TBC1D10B: variants seen among roughly 807,000 people sequenced by gnomAD.
The protein encoded by TBC1D10B is Rab27A-GAPbeta.
Under a neutral mutation model 78.4 loss-of-function variants are expected in TBC1D10B, and 25 were observed. The observed-to-expected ratio is 0.32, with a 90% CI of 0.23 to 0.45. The LOEUF is 0.45. TBC1D10B is among the 20% of genes least tolerant of loss of function. The pLI is 1.00. For missense variants in TBC1D10B, 996 were observed against 1,104.8 expected, an observed-to-expected ratio of 0.90 and a Z score of 1.40; for synonymous variants, 517 against 478.0, an observed-to-expected ratio of 1.08 and a Z score of -1.06.
At chr16:30,367,171 G>C (rs1234922175) in intron 1 of TBC1D10B, 1 of 152,354 alleles carries the variant, frequency 6.6e-6, no homozygotes, top group East Asian at 1.9e-4. Context: ...TCCAGCCTGG[G>C]CAACAAGAGC....
chr16:30,369,105 C>A lies in TBC1D10B; in HGVS notation c.956+123G>T. 9.6e-7 allele frequency: 1 copy of A among 1,039,070 alleles called. No homozygotes were observed. Among genetic ancestry groups the A allele is most frequent in the Non-Finnish European group, 1.4e-6 (1 of 729,306 alleles). The allele number at this position is 1,039,070 out of a possible 1,614,324, so 64.4% of individuals were successfully genotyped here. On this transcript the variant is annotated intron_variant, in intron 1 of 8. Coordinates refer to ENST00000409939, the MANE Select transcript of TBC1D10B (RefSeq NM_015527.4). This position sits in a 1 kb window ranked among gnomAD's most constrained non-coding sequence, Gnocchi z 4.3. ...AAGACACGGCAGCTCGCGCTGATCA[C>A]CCCGTGGATCCTCAGAGGAGGCTGG... is the stretch of plus-strand genomic sequence containing the variant.
chr16:30,359,933 A>G, intron 4 of TBC1D10B, 92 bp from the exon 5 acceptor site: 1 of 1,165,044 alleles, frequency 8.6e-7, no homozygotes, highest in Non-Finnish European at 1.2e-6. Context: ...GTTTATCACC[A>G]GGCTCCTCCA....
In TBC1D10B at chr16:30,357,658, C is replaced by T. The variant is rs2049562323; in HGVS notation, c.*286G>A. The T allele has an allele frequency of 1.2e-5, 6 of 514,094 alleles. No individual in the cohort carries two copies. The highest frequency in any genetic ancestry group is 9.5e-5 in the East Asian group (3 of 31,534). 31.8% of individuals were successfully genotyped at this position (514,094 alleles called of 1,614,324 possible). A position where few individuals can be genotyped will look rare whatever the true frequency, so the allele number is the denominator to read the frequency against. ...CCAGGAGTCACCCCTGGGATGACAA[C>T]GGGCCATTCAGGACAGCACCTAGGA... On this transcript the variant is annotated 3_prime_UTR_variant, in exon 9 of 9. Transcript: ENST00000409939.
At position 30,357,758 on chromosome 16, in the gene TBC1D10B, C is replaced by G; in HGVS notation, c.*186G>C. On this transcript the variant is annotated 3_prime_UTR_variant, in exon 9 of 9. Coordinates refer to ENST00000409939, the MANE Select transcript of TBC1D10B (RefSeq NM_015527.4). ...CTCATGGGAGATGAGAGGCTCCAGA[C>G]TCATTTGCAGCTGCCCATCTGTCCT... 1.3e-6 allele frequency: 1 copy of G among 797,238 alleles called. No homozygotes were observed. Among genetic ancestry groups the G allele is most frequent in the Admixed American group, 2.9e-5 (1 of 34,130 alleles). 49.4% of individuals were successfully genotyped at this position (797,238 alleles called of 1,614,324 possible).
chr16:30,370,269 A>C lies in TBC1D10B; in HGVS notation c.-86T>G. The C allele has an allele frequency of 1.3e-5, 9 of 697,906 alleles. No homozygotes were observed. Among genetic ancestry groups the C allele is most frequent in the Non-Finnish European group, 1.7e-5 (9 of 539,660 alleles). The allele number at this position is 697,906 out of a possible 1,614,324, so 43.2% of individuals were successfully genotyped here. ...GGCCTCCCGGCGAGGCCAGCCGAGA[A>C]AGGGGAGAGGGCGAAGGGCGCGGCT... On this transcript the variant is annotated 5_prime_UTR_variant, in exon 1 of 9. Coordinates refer to ENST00000409939, the MANE Select transcript of TBC1D10B (RefSeq NM_015527.4).
chr16:30,369,609 A>C lies in TBC1D10B; in HGVS notation c.575T>G (p.Val192Gly). Residue 192 changes from valine to glycine, a missense_variant, in exon 1 of 9, where the codon GTG becomes GGG. Val to Gly is a moderately radical substitution (Grantham distance 109). Around this residue, in one of 5 missense-constraint regions of TBC1D10B, gnomAD observed 448 missense variants for 442.1 expected, o/e 1.01. Transcript: ENST00000409939. The surrounding 1 kb of genome is among the most constrained non-coding windows in gnomAD (Gnocchi z 4.3). ...GVTARSASGQ[V>G]TGGHGAAAAT... ...TGCGGCAGCTCCATGCCCACCTGTC[A>C]CTTGTCCTGATGCACTCCGTGCAGT... 1.3e-6 allele frequency: 2 copies of C among 1,526,570 alleles called. No homozygotes were observed. The highest frequency in any genetic ancestry group is 1.8e-6 in the Non-Finnish European group (2 of 1,133,770). 94.6% of individuals were successfully genotyped at this position (1,526,570 alleles called of 1,614,324 possible). A position where few individuals can be genotyped will look rare whatever the true frequency, so the allele number is the denominator to read the frequency against.
rs772819144 is a variant in TBC1D10B, at chr16:30,369,421, C to G, written c.763G>C (p.Gly255Arg). Residue 255 changes from glycine to arginine, a missense_variant, in exon 1 of 9, where the codon GGC becomes CGC. Around this residue, in one of 5 missense-constraint regions of TBC1D10B, gnomAD observed 448 missense variants for 442.1 expected, o/e 1.01. Coordinates refer to ENST00000409939, the MANE Select transcript of TBC1D10B (RefSeq NM_015527.4). This position sits in a 1 kb window ranked among gnomAD's most constrained non-coding sequence, Gnocchi z 4.3. ...GCCTGCCCTCGAGGCCCAGAGATGC[C>G]AGGTCCCAGGCTGGACGTGGAGCCC... is the stretch of plus-strand genomic sequence containing the variant. ...DLGSTSSLGP[G>R]ISGPRGQAPD... 1 of 1,569,664 alleles carries G rather than the reference C, an allele frequency of 6.4e-7. No individual in the cohort carries two copies.
In TBC1D10B at chr16:30,357,983, GTCCCCA is replaced by G; in HGVS notation, c.2382_2387del (p.Gly795_Asp796del). 6.4e-7 allele frequency: 1 copy of G among 1,551,702 alleles called. No individual in the cohort carries two copies. The highest frequency in any genetic ancestry group is 8.7e-7 in the Non-Finnish European group (1 of 1,146,992). On this transcript the variant is annotated inframe_deletion, in exon 9 of 9. Coordinates refer to ENST00000409939, the MANE Select transcript of TBC1D10B (RefSeq NM_015527.4). Reference sequence around the variant, plus strand: ...CCTGCCGGGCCTCGGCTGAGGGCCTGTCCCCACCATCATGGGGGCCTGGGGGCCCAT... The same window carrying G: ...CCTGCCGGGCCTCGGCTGAGGGCCTGCCATCATGGGGGCCTGGGGGCCCAT...
chr16:30,358,583 G>A lies in TBC1D10B; in HGVS notation c.1798-10C>T. The A allele has an allele frequency of 6.3e-7, 1 of 1,594,158 alleles. No homozygotes were observed. The highest frequency in any genetic ancestry group is 1.1e-5 in the South Asian group (1 of 89,416). On this transcript the variant is annotated splice_polypyrimidine_tract_variant and intron_variant, in intron 8 of 8. Coordinates refer to ENST00000409939, the MANE Select transcript of TBC1D10B (RefSeq NM_015527.4). Reference sequence around the variant, plus strand: ...CCGGCAGATTGGTCACCTGCACAGAGAGGAAATGCGTACCAGAATGGAGCT... The same window carrying A: ...CCGGCAGATTGGTCACCTGCACAGAAAGGAAATGCGTACCAGAATGGAGCT...
rs776461236 is a variant in TBC1D10B, at chr16:30,359,152, C to G, written c.1642+20G>C. 28 of 1,597,934 alleles carry G rather than the reference C, an allele frequency of 1.8e-5. No homozygotes were observed. The Admixed American group carries it at 4.9e-4, about 28-fold the overall frequency. On this transcript the variant is annotated intron_variant, in intron 7 of 8. Transcript: ENST00000409939. Reference sequence around the variant, plus strand: ...CACAGAAACCCCAGCCCCTCATGGCCTGGAGGGCCACAGAAGTACCTTCAC... The same window carrying G: ...CACAGAAACCCCAGCCCCTCATGGCGTGGAGGGCCACAGAAGTACCTTCAC...
At position 30,369,193 on chromosome 16, in the gene TBC1D10B, CG is replaced by C; in HGVS notation, c.956+34del. ...CGCCCTCCCCCAACCTTTGCTTCCC[CG>C]AGGCGGTCCCGCTGGGTGCCCACTG... On this transcript the variant is annotated intron_variant, in intron 1 of 8. Transcript: ENST00000409939. The surrounding 1 kb of genome is among the most constrained non-coding windows in gnomAD (Gnocchi z 4.3). 1 of 1,525,484 alleles carries C rather than the reference CG, an allele frequency of 6.6e-7. No individual in the cohort carries two copies. Among genetic ancestry groups the C allele is most frequent in the Non-Finnish European group, 8.8e-7 (1 of 1,136,350 alleles). 94.5% of individuals were successfully genotyped at this position (1,525,484 alleles called of 1,614,324 possible).
rs1298490977 is a variant in TBC1D10B, at chr16:30,358,260, G to A, written c.2111C>T (p.Ser704Phe). Reference sequence around the variant, plus strand: ...GCTATTGCCAGTGGGTGAGGGAAGGGATGGATGCAGTCCCTCAGCAGTGAC... The same window carrying A: ...GCTATTGCCAGTGGGTGAGGGAAGGAATGGATGCAGTCCCTCAGCAGTGAC... ...PVVTAEGLHP[S>F]LPSPTGNSTP... Residue 704 changes from serine (S) to phenylalanine (F), a missense_variant, in exon 9 of 9, where the codon TCC becomes TTC. By Grantham distance (155) the Ser-to-Phe change is radical (BLOSUM62 -2). Around this residue, in one of 5 missense-constraint regions of TBC1D10B, gnomAD observed 285 missense variants for 252.5 expected, o/e 1.13. Coordinates refer to ENST00000409939, the MANE Select transcript of TBC1D10B (RefSeq NM_015527.4). 1.9e-6 allele frequency: 3 copies of A among 1,576,370 alleles called. No homozygotes were observed. The African/African-American group carries it at 4.1e-5, about 21-fold the overall frequency.
At chr16:30,367,235 C>T (rs1486828238) in intron 1 of TBC1D10B, 1 of 152,184 alleles carries the variant, frequency 6.6e-6, no homozygotes. Context: ...AAAACACCAC[C>T]ACCACCTACA....
At position 30,369,815 on chromosome 16, in the gene TBC1D10B, C is replaced by A. The variant is rs1286431728; in HGVS notation, c.369G>T (p.Ser123=). 6.3e-6 allele frequency: 9 copies of A among 1,418,146 alleles called. No individual in the cohort carries two copies. Among genetic ancestry groups the A allele is most frequent in the Non-Finnish European group, 8.3e-6 (9 of 1,086,234 alleles). The allele number at this position is 1,418,146 out of a possible 1,614,324, so 87.8% of individuals were successfully genotyped here. A position where few individuals can be genotyped will look rare whatever the true frequency, so the allele number is the denominator to read the frequency against. The part of the protein sequence containing the change: ...EPAAVAGVET[S]RALAAGADSP... ...AGTCTGCCCCTGCGGCCAGAGCCCT[C>A]GATGTCTCAACTCCAGCCACTGCCG... The change falls in exon 1 of 9, where the codon TCG becomes TCT. Residue 123 remains serine (S), a synonymous_variant. Coordinates refer to ENST00000409939, the MANE Select transcript of TBC1D10B (RefSeq NM_015527.4). The surrounding 1 kb of genome is among the most constrained non-coding windows in gnomAD (Gnocchi z 4.3).
In TBC1D10B at chr16:30,359,257, G is replaced by A. The variant is rs1410961509; in HGVS notation, c.1557C>T (p.Tyr519=). Reference sequence around the variant, plus strand: ...AGATGCACATGAACCACTCCGTCATGTAGAGCACAGGGTCAATGCGCTGCC... The same window carrying A: ...AGATGCACATGAACCACTCCGTCATATAGAGCACAGGGTCAATGCGCTGCC... ...LRRQRIDPVL[Y]MTEWFMCIFA... is the part of the protein sequence containing the mutation. Residue 519 remains tyrosine, a synonymous_variant, in exon 7 of 9, where the codon TAC becomes TAT. Coordinates refer to ENST00000409939, the MANE Select transcript of TBC1D10B (RefSeq NM_015527.4). 2.5e-6 allele frequency: 4 copies of A among 1,612,358 alleles called. No individual in the cohort carries two copies. The highest frequency in any genetic ancestry group is 3.4e-6 in the Non-Finnish European group (4 of 1,179,216).
At position 30,369,685 on chromosome 16, in the gene TBC1D10B, C is replaced by G; in HGVS notation, c.499G>C (p.Ala167Pro). ...GGCTTGGGGGCAAGCGGGGGTTTGGCGGTCAGGGCACCAGGAGCCGTTCTG... is the reference window on the plus strand; with the variant it reads ...GGCTTGGGGGCAAGCGGGGGTTTGGGGGTCAGGGCACCAGGAGCCGTTCTG... ...PSRTAPGALTAKPPLAPKPGT... is the reference protein window; with the variant it reads ...PSRTAPGALTPKPPLAPKPGT... Residue 167 changes from alanine to proline, a missense_variant, in exon 1 of 9, where the codon GCC becomes CCC. Coordinates refer to ENST00000409939, the MANE Select transcript of TBC1D10B (RefSeq NM_015527.4). This position sits in a 1 kb window ranked among gnomAD's most constrained non-coding sequence, Gnocchi z 4.3. The G allele has an allele frequency of 6.5e-7, 1 of 1,528,270 alleles. No homozygotes were observed. Among genetic ancestry groups the G allele is most frequent in the Non-Finnish European group, 8.8e-7 (1 of 1,135,252 alleles). The allele number at this position is 1,528,270 out of a possible 1,614,324, so 94.7% of individuals were successfully genotyped here.
intron 1 of TBC1D10B, among the ~76,000 whole-genome samples, chr16:30,368,806 C>G (rs561521980): frequency 3.0e-4 from 45 of 152,308 alleles, no homozygotes; most frequent in African/African-American, 1.0e-3. Flanking sequence ...GCTATCCACC[C>G]TAAGGGACCA....
intron 7 of TBC1D10B, 84 bp downstream of exon 7, chr16:30,359,088 A>C: frequency 6.8e-7 from 1 of 1,472,574 alleles, no homozygotes; most frequent in Admixed American, 2.5e-5. Context: ...CCTTTTGTCC[A>C]TGGACCACCA....
At position 30,357,400 on chromosome 16, in the gene TBC1D10B, T is replaced by G; in HGVS notation, c.*544A>C. ...CCAGTGCATGTCCCCTTAAATAAACTGGGTACAGGAGCATTATGGAAGGAG... is the reference window on the plus strand; with the variant it reads ...CCAGTGCATGTCCCCTTAAATAAACGGGGTACAGGAGCATTATGGAAGGAG... On this transcript the variant is annotated 3_prime_UTR_variant, in exon 9 of 9. Transcript: ENST00000409939. 6.1e-6 allele frequency: 1 copy of G among 164,168 alleles called. No individual in the cohort carries two copies. The highest frequency in any genetic ancestry group is 1.5e-4 in the South Asian group (1 of 6,686). 10.2% of individuals were successfully genotyped at this position (164,168 alleles called of 1,614,324 possible).
Sources: gnomAD v4.1 joint callset for allele counts (sites outside exome capture counted in the v4.1 genomes callset) on GRCh38, gnomAD v4.1.1 for gene constraint, gnomAD v4.1.1 regional missense constraint, Gnocchi (gnomAD v3.1) non-coding constraint, MANE v1.5 for transcripts, NCBI Gene and HGNC (gene_info 2026-07-23, HGNC 2026-07-21) for gene names.